POFUT3: variants seen among roughly 807,000 people sequenced by gnomAD.
POFUT3 encodes GDP-fucose protein O-fucosyltransferase 3.
chr8:33,321,373 C>T, the POFUT3 span, among the ~76,000 whole-genome samples: 1 of 152,082 alleles, frequency 6.6e-6, no homozygotes, highest in Admixed American at 6.6e-5. Flanking sequence ...TCCAAAATGG[C>T]TTTTTCACTC....
chr8:33,467,950 G>C, the POFUT3 span, among the ~76,000 whole-genome samples: 1 of 152,138 alleles, frequency 6.6e-6, no homozygotes, highest in Non-Finnish European at 1.5e-5. Flanking sequence ...GAACCTGGTA[G>C]TTTGTGAGGC....
At chr8:33,315,476 T>C in the POFUT3 span, among the ~76,000 whole-genome samples, 1 of 152,098 alleles carries the variant, frequency 6.6e-6, no homozygotes, top group African/African-American at 2.4e-5. Context: ...GCTACTCTCT[T>C]CCCTCAATCC....
At chr8:33,318,799 ATATTTTATATATATTATATAT>A in the POFUT3 span, among the ~76,000 whole-genome samples, 20 of 50,214 alleles carry the variant, frequency 4.0e-4, no homozygotes, top group East Asian at 4.6e-3. Flanking sequence ...TAATATATAT[ATATTTTATATATATTATATAT>A]ATATATTTTA....
the POFUT3 span, among the ~76,000 whole-genome samples, chr8:33,471,404 C>T: frequency 2.0e-5 from 3 of 152,044 alleles, no homozygotes; most frequent in Admixed American, 6.6e-5. Flanking sequence ...CACGCCACCA[C>T]ATGAGCCCAG....
the POFUT3 span, among the ~76,000 whole-genome samples, chr8:33,410,423 C>T: frequency 6.6e-6 from 1 of 152,086 alleles, no homozygotes; most frequent in African/African-American, 2.4e-5. Flanking sequence ...CTTGTGTCGC[C>T]GGGCAGCCCC....
At chr8:33,364,002 A>G in the POFUT3 span, among the ~76,000 whole-genome samples, 6 of 152,344 alleles carry the variant, frequency 3.9e-5, no homozygotes, top group South Asian at 1.2e-3. Context: ...CCTGATGAAC[A>G]CTGATGCGAA....
chr8:33,386,529 C>A, the POFUT3 span, among the ~76,000 whole-genome samples: 1 of 151,938 alleles, frequency 6.6e-6, no homozygotes, highest in Admixed American at 6.6e-5. Context: ...GCTATTTACC[C>A]GCTGGGCGCT....
chr8:33,469,807 T>TC, the POFUT3 span, among the ~76,000 whole-genome samples: 24 of 119,830 alleles, frequency 2.0e-4, no homozygotes, highest in Admixed American at 6.3e-4. Flanking sequence ...CTTTTTCTTT[T>TC]TTTTTTTTTT....
At chr8:33,333,577 AG>A in the POFUT3 span, among the ~76,000 whole-genome samples, 5 of 152,036 alleles carry the variant, frequency 3.3e-5, no homozygotes, top group African/African-American at 4.8e-5. Flanking sequence ...AGCTGGGACC[AG>A]GGGTAGAGTA....
At chr8:33,442,264 C>G in the POFUT3 span, among the ~76,000 whole-genome samples, 14 of 148,588 alleles carry the variant, frequency 9.4e-5, no homozygotes, top group Non-Finnish European at 1.8e-4. Flanking sequence ...CACGCCAGGC[C>G]TCATGTGTCA....
At chr8:33,319,445 T>G in the POFUT3 span, among the ~76,000 whole-genome samples, 1 of 58,978 alleles carries the variant, frequency 1.7e-5, no homozygotes, top group African/African-American at 8.1e-5. Flanking sequence ...TTTTATATAT[T>G]TATATAATAT....
the POFUT3 span, among the ~76,000 whole-genome samples, chr8:33,424,896 C>G: frequency 6.6e-6 from 1 of 152,168 alleles, no homozygotes; most frequent in South Asian, 2.1e-4. Context: ...CAGTGCCAGG[C>G]ACTGTGCTAG....
chr8:33,358,391 G>C, the POFUT3 span, among the ~76,000 whole-genome samples: 1 of 152,306 alleles, frequency 6.6e-6, no homozygotes, highest in East Asian at 1.9e-4. Context: ...TAGATTAACA[G>C]AGGGATGTGT....
the POFUT3 span, among the ~76,000 whole-genome samples, chr8:33,433,231 CA>C: frequency 5.1e-4 from 74 of 145,358 alleles, no homozygotes; most frequent in African/African-American, 1.3e-3. Flanking sequence ...GAGACAGTCT[CA>C]AAAAAAAAAA....
the POFUT3 span, among the ~76,000 whole-genome samples, chr8:33,413,018 C>A: frequency 7.4e-6 from 1 of 135,968 alleles, no homozygotes; most frequent in Non-Finnish European, 1.6e-5. Flanking sequence ...CACACAAACA[C>A]ACAAAACTTC....
the POFUT3 span, among the ~76,000 whole-genome samples, chr8:33,427,152 T>C: frequency 1.3e-5 from 2 of 152,118 alleles, no homozygotes; most frequent in East Asian, 3.9e-4. Context: ...GAACATCTAA[T>C]ACGGAAGCAA....
the POFUT3 span, chr8:33,372,407 A>G: frequency 7.1e-7 from 1 of 1,402,384 alleles, no homozygotes. Context: ...GGCTACCCCT[A>G]AGGGTAATTT....
At chr8:33,400,250 G>A in the POFUT3 span, among the ~76,000 whole-genome samples, 5 of 151,122 alleles carry the variant, frequency 3.3e-5, no homozygotes, top group South Asian at 1.0e-3. Context: ...CCAGGAATTC[G>A]AGACCAGCCT....
chr8:33,341,082 A>G, the POFUT3 span, among the ~76,000 whole-genome samples: 13 of 152,330 alleles, frequency 8.5e-5, no homozygotes, highest in South Asian at 1.9e-3. Context: ...TTGGAATCAT[A>G]CAAAATGGGT....
Sources: gnomAD v4.1 joint callset for allele counts (sites outside exome capture counted in the v4.1 genomes callset) on GRCh38, gnomAD v4.1.1 for gene constraint, MANE v1.5 for transcripts, NCBI Gene and HGNC (gene_info 2026-07-23, HGNC 2026-07-21) for gene names.